DPP10: variants seen among roughly 807,000 people sequenced by gnomAD.
DPP10 encodes dipeptidyl peptidase like 10.
Under a neutral mutation model 120.9 loss-of-function variants are expected in DPP10, and 33 were observed. That is an observed-to-expected ratio of 0.27 (90% CI 0.21 to 0.37). The LOEUF (loss-of-function observed/expected upper bound fraction) is 0.37. Among genes scored for constraint, DPP10 ranks in the 10% least tolerant of loss-of-function variants. DPP10 has a pLI of 1.00. For synonymous variants in DPP10, 337 were observed against 326.1 expected, an observed-to-expected ratio of 1.03 and a Z score of -0.36; for missense variants, 816 against 942.8, an observed-to-expected ratio of 0.87 and a Z score of 1.76.
At chr2:114,746,485 A>C (rs2106012110) in intron 1 of DPP10, among the ~76,000 whole-genome samples, 1 of 152,358 alleles carries the variant, frequency 6.6e-6, no homozygotes, top group African/African-American at 2.4e-5. Context: ...AGTCAAAGAA[A>C]TCAGGGAACT....
rs1559458737 is a variant in DPP10 at position 115,344,032 on chromosome 2, A to T, written c.271+120A>T. ...ATGCCTGTCATCCCAGCACCTTGGG[A>T]GGCCAAGGCAGGAGAATCGCTTGAA... is the stretch of plus-strand genomic sequence containing the variant. On this transcript the variant is annotated intron_variant, in intron 3 of 25. Transcript: ENST00000410059. 8.5e-6 allele frequency: 5 copies of T among 587,696 alleles called. No individual in the cohort carries two copies. The East Asian group carries it at 1.3e-4, about 15-fold the overall frequency. The allele number at this position is 587,696 out of a possible 1,614,324, so 36.4% of individuals were successfully genotyped here.
At chr2:114,851,887 C>T (rs1025801750) in intron 1 of DPP10, among the ~76,000 whole-genome samples, 20 of 152,084 alleles carry the variant, frequency 1.3e-4, no homozygotes, top group Non-Finnish European at 1.5e-4. Flanking sequence ...CACATTTTCT[C>T]CCATTTCTAA....
chr2:115,459,947 A>ACACACT (rs2073890620), intron 3 of DPP10, among the ~76,000 whole-genome samples: 1 of 148,414 alleles, frequency 6.7e-6, no homozygotes, highest in Non-Finnish European at 1.5e-5. Flanking sequence ...ATACACACAC[A>ACACACT]CACCTTTGTT....
chr2:115,129,615 T>G (rs985645542), intron 1 of DPP10, among the ~76,000 whole-genome samples: 2 of 152,164 alleles, frequency 1.3e-5, no homozygotes, highest in Non-Finnish European at 2.9e-5. Context: ...ATTCTTGCCA[T>G]GCCAAACCAT....
intron 1 of DPP10, among the ~76,000 whole-genome samples, chr2:114,583,626 C>G (rs572691114): frequency 1.6e-3 from 237 of 152,186 alleles, no homozygotes; most frequent in African/African-American, 5.5e-3. Flanking sequence ...TTAACTGAAA[C>G]TTTGACTTTT....
chr2:115,578,373 T>C (rs1259269865), intron 5 of DPP10, among the ~76,000 whole-genome samples: 1 of 151,990 alleles, frequency 6.6e-6, no homozygotes, highest in Non-Finnish European at 1.5e-5. Flanking sequence ...CGTGTACACA[T>C]ACACACACAC....
intron 1 of DPP10, among the ~76,000 whole-genome samples, chr2:115,263,549 CTTAG>C (rs1451303095): frequency 6.6e-6 from 1 of 152,204 alleles, no homozygotes; most frequent in Admixed American, 6.5e-5. Flanking sequence ...GCTTCATCCT[CTTAG>C]TTAATTATGG....
intron 2 of DPP10, among the ~76,000 whole-genome samples, chr2:115,318,670 T>A (rs1489971283): frequency 1.3e-5 from 2 of 152,152 alleles, no homozygotes; most frequent in African/African-American, 4.8e-5. Flanking sequence ...AGTTTATTCT[T>A]CTTTATGATA....
At chr2:114,671,658 A>T (rs1430254977) in intron 1 of DPP10, among the ~76,000 whole-genome samples, 1 of 151,986 alleles carries the variant, frequency 6.6e-6, no homozygotes, top group Non-Finnish European at 1.5e-5. Flanking sequence ...ATAAAGGGGG[A>T]ATTACTATCT....
rs1014174012 is a variant in DPP10 at position 115,446,727 on chromosome 2, A to G, written c.272-52783A>G. The stretch of plus-strand genomic sequence containing the variant: ...TTACCTTTCCTATCTTAGTGCACCT[A>G]AAGGGAAAGGGATGTGCTTATTAGG... On this transcript the variant is annotated intron_variant, in intron 3 of 25. Coordinates refer to ENST00000410059, the MANE Select transcript of DPP10 (RefSeq NM_020868.6). 2.0e-5 allele frequency among the ~76,000 whole-genome samples: 3 copies of G among 152,170 alleles called. No individual in the cohort carries two copies. The East Asian group carries it at 5.8e-4, about 30-fold the overall frequency.
intron 1 of DPP10, among the ~76,000 whole-genome samples, chr2:114,794,707 A>G (rs17787086): frequency 0.054 from 8,281 of 152,276 alleles, 269 homozygotes; most frequent in South Asian, 0.1. Flanking sequence ...CAGCAATTCT[A>G]TGCCATTGGT....
chr2:114,886,961 T>C (rs1692122550), intron 1 of DPP10, among the ~76,000 whole-genome samples: 1 of 152,174 alleles, frequency 6.6e-6, no homozygotes, highest in Non-Finnish European at 1.5e-5. Flanking sequence ...ATTAATTCTG[T>C]CTCATGTTCT....
chr2:115,718,502 CT>C (rs921379046), intron 7 of DPP10, among the ~76,000 whole-genome samples: 9 of 152,124 alleles, frequency 5.9e-5, no homozygotes, highest in South Asian at 4.1e-4. Flanking sequence ...TCTTAGATCT[CT>C]TTTTTTCTGT....
At chr2:115,214,247 A>G (rs1383851641) in intron 1 of DPP10, among the ~76,000 whole-genome samples, 2 of 152,220 alleles carry the variant, frequency 1.3e-5, no homozygotes, top group Admixed American at 6.5e-5. Flanking sequence ...GCTACATCCC[A>G]TGAAGATAGT....
At chr2:115,536,092 A>G (rs868572850) in intron 5 of DPP10, among the ~76,000 whole-genome samples, 1 of 152,050 alleles carries the variant, frequency 6.6e-6, no homozygotes, top group South Asian at 2.1e-4. Flanking sequence ...ATATAACTGT[A>G]TTATAGAGAA....
At position 114,443,597 on chromosome 2, in the gene DPP10, C is replaced by A. The variant is rs1209245722; in HGVS notation, c.60+759C>A. ...GCTTATAAACGACCAGACTTCCAAT[C>A]AAAGTTTACTATATTTTGCCATTTA... is the stretch of plus-strand genomic sequence containing the variant. On this transcript the variant is annotated intron_variant, in intron 1 of 25. Transcript: ENST00000410059. Among the ~76,000 whole-genome samples, 7 of 151,562 alleles carry A rather than the reference C, an allele frequency of 4.6e-5. No individual in the cohort carries two copies. In the East Asian group the frequency reaches 1.4e-3, roughly 29 times the overall value.
chr2:114,681,404 T>C (rs1380073471), intron 1 of DPP10, among the ~76,000 whole-genome samples: 2 of 151,974 alleles, frequency 1.3e-5, no homozygotes, highest in Non-Finnish European at 2.9e-5. Context: ...TTCCTCCTTC[T>C]CTGATTCTTG....
chr2:115,473,572 G>A (rs2074873206), intron 3 of DPP10, among the ~76,000 whole-genome samples: 1 of 152,060 alleles, frequency 6.6e-6, no homozygotes, highest in Non-Finnish European at 1.5e-5. Context: ...TTTCAGAATG[G>A]GCAGGAATAA....
intron 4 of DPP10, among the ~76,000 whole-genome samples, chr2:115,500,139 T>C (rs964756367): frequency 6.6e-6 from 1 of 151,972 alleles, no homozygotes; most frequent in Admixed American, 6.6e-5. Context: ...ATTGTTTGTA[T>C]TTATATTGGT....
Sources: allele counts gnomAD v4.1 joint callset (sites outside exome capture counted in the v4.1 genomes callset), GRCh38; gene constraint gnomAD v4.1.1; transcripts MANE v1.5; gene names NCBI Gene and HGNC (gene_info 2026-07-23, HGNC 2026-07-21).